The following SLC39A14 variants were observed in gnomAD, a reference collection of about 807,000 sequenced individuals.
The protein encoded by SLC39A14 is metal cation symporter ZIP14.
In SLC39A14, 19 loss-of-function variants were observed where a neutral mutation model predicts 45.5. The ratio of observed to expected loss-of-function variants is 0.42; its 90% CI spans 0.29 to 0.61. SLC39A14 has a LOEUF of 0.61. SLC39A14 is among the 20% of genes least tolerant of loss of function. The pLI is 0.22. For missense variants in SLC39A14, 447 were observed against 616.5 expected, an observed-to-expected ratio of 0.73 and a Z score of 2.91; for synonymous variants, 264 against 251.3, an observed-to-expected ratio of 1.05 and a Z score of -0.48.
In SLC39A14 at chr8:22,404,927, G is replaced by A; in HGVS notation, c.217G>A (p.Val73Met). 1.9e-6 allele frequency: 3 copies of A among 1,614,186 alleles called. No homozygotes were observed. The highest frequency in any genetic ancestry group is 2.5e-6 in the Non-Finnish European group (3 of 1,180,036). The change falls in exon 2 of 9, where the codon GTG (valine) becomes ATG (methionine). Residue 73 changes from valine (V) to methionine (M), a missense_variant. Val to Met is a conservative substitution (Grantham distance 21, BLOSUM62 1). Transcript: ENST00000381237. Reference sequence around the variant, plus strand: ...CCTACTCAACCACCTGGATGTGGGAGTGGGCCGGGGTAATGTCACCCAGCA... The same window carrying A: ...CCTACTCAACCACCTGGATGTGGGAATGGGCCGGGGTAATGTCACCCAGCA... ...KALLNHLDVG[V>M]GRGNVTQHVQ...
rs34292650 is a variant in SLC39A14 at position 22,384,744 on chromosome 8, T to TAAA, written c.-16+17353_-16+17355dup. Among the ~76,000 whole-genome samples the TAAA allele has an allele frequency of 2.0e-4, 24 of 117,284 alleles. No homozygotes were observed. In the South Asian group the frequency reaches 5.5e-3, roughly 27 times the overall value. 76.9% of individuals were successfully genotyped at this position (117,284 alleles called of 152,430 possible). A position where few individuals can be genotyped will look rare whatever the true frequency, so the allele number is the denominator to read the frequency against. ...CCTGGGCAACAGAGTGAGACTGTCT[T>TAAA]AAAAAAAAAAAAAAAAAAATCTTGG... On this transcript the variant is annotated intron_variant, in intron 1 of 8. Coordinates refer to ENST00000381237, the MANE Select transcript of SLC39A14 (RefSeq NM_001128431.4).
chr8:22,400,402 CCTTTT>C (rs1379342048), intron 1 of SLC39A14, among the ~76,000 whole-genome samples: 5 of 152,168 alleles, frequency 3.3e-5, no homozygotes, highest in Non-Finnish European at 7.3e-5. Context: ...CATCTCTTTG[CCTTTT>C]CTTTTCTAAA....
chr8:22,375,094 T>C (rs2132167475), intron 1 of SLC39A14, among the ~76,000 whole-genome samples: 1 of 152,260 alleles, frequency 6.6e-6, no homozygotes, highest in African/African-American at 2.4e-5. Flanking sequence ...CCATGTCCTC[T>C]GTACCAGTCC....
chr8:22,419,875 G>A lies in SLC39A14; in HGVS notation c.*177G>A. 7.6e-7 allele frequency: 1 copy of A among 1,318,974 alleles called. No individual in the cohort carries two copies. Among genetic ancestry groups the A allele is most frequent in the Non-Finnish European group, 9.6e-7 (1 of 1,037,000 alleles). 81.7% of individuals were successfully genotyped at this position (1,318,974 alleles called of 1,614,324 possible). On this transcript the variant is annotated 3_prime_UTR_variant, in exon 9 of 9. Coordinates refer to ENST00000381237, the MANE Select transcript of SLC39A14 (RefSeq NM_001128431.4). ...GTAAAATGCTGTATCCTAGGAATAA[G>A]CTGCCCTGGTAACCAGTCTCTAGCT...
intron 1 of SLC39A14, among the ~76,000 whole-genome samples, chr8:22,383,545 G>A (rs1833626145): frequency 6.6e-6 from 1 of 152,180 alleles, no homozygotes; most frequent in Non-Finnish European, 1.5e-5. Context: ...TTTCCTGGAA[G>A]CAGAGGGCCC....
chr8:22,429,506 A>G (rs1027340332), intron 8 of SLC39A14, among the ~76,000 whole-genome samples: 2 of 152,244 alleles, frequency 1.3e-5, no homozygotes, highest in Non-Finnish European at 2.9e-5. Flanking sequence ...TACTAGTAGT[A>G]ATTAACATTT....
intron 1 of SLC39A14, among the ~76,000 whole-genome samples, chr8:22,388,369 G>A (rs1428397960): frequency 2.0e-5 from 3 of 152,236 alleles, no homozygotes; most frequent in African/African-American, 7.2e-5. Flanking sequence ...GGAGGAGTGT[G>A]GAGATAGAAA....
At chr8:22,424,848 G>A (rs1202321591), downstream of SLC39A14, among the ~76,000 whole-genome samples, 1 of 151,992 alleles carries the variant, frequency 6.6e-6, no homozygotes, top group African/African-American at 2.4e-5. Context: ...CCAACATGGT[G>A]TGAAACCCTA....
chr8:22,400,035 T>G (rs1327442634), intron 1 of SLC39A14, among the ~76,000 whole-genome samples: 6 of 152,212 alleles, frequency 3.9e-5, no homozygotes, highest in Non-Finnish European at 8.8e-5. Context: ...CAGAGCATTG[T>G]AAGCCAAGAT....
Position 22,417,642 on chromosome 8 carries a change from C to T in SLC39A14, c.1148-9C>T, listed in dbSNP as rs115890291. ...CTCGTCCCTCCCCTTTTCATTCTCG[C>T]TGCTGTAGGAGACTTTGTCATCCTG... is the stretch of plus-strand genomic sequence containing the variant. On this transcript the variant is annotated splice_polypyrimidine_tract_variant and intron_variant, in intron 7 of 8. Transcript: ENST00000381237. 3.0e-4 allele frequency: 481 copies of T among 1,609,972 alleles called. 4 individuals carry two copies. The African/African-American group carries it at 6.1e-3, about 20-fold the overall frequency.
chr8:22,369,073 A>G (rs1489035961), intron 1 of SLC39A14, among the ~76,000 whole-genome samples: 5 of 152,148 alleles, frequency 3.3e-5, no homozygotes, highest in Non-Finnish European at 1.5e-5. Context: ...AGGCTCAGAG[A>G]GGTGAGTTTT....
At chr8:22,409,263 C>G (rs894124573) in intron 3 of SLC39A14, among the ~76,000 whole-genome samples, 5 of 152,230 alleles carry the variant, frequency 3.3e-5, no homozygotes, top group African/African-American at 1.2e-4. Flanking sequence ...CCTGATAGCC[C>G]TAAGCCCCAT....
In SLC39A14 at chr8:22,420,943, A is replaced by G. The variant is rs1039687002; in HGVS notation, c.*1245A>G. On this transcript the variant is annotated 3_prime_UTR_variant, in exon 9 of 9. Transcript: ENST00000381237. The stretch of plus-strand genomic sequence containing the variant: ...CATTGAATTGAATATGAATTTCTCT[A>G]ACTCTCTCCAGAAAATGGATGGAGA... 1.0e-6 allele frequency: 1 copy of G among 985,740 alleles called. No individual in the cohort carries two copies. The highest frequency in any genetic ancestry group is 4.7e-5 in the South Asian group (1 of 21,290). 61.1% of individuals were successfully genotyped at this position (985,740 alleles called of 1,614,324 possible). A position where few individuals can be genotyped will look rare whatever the true frequency, so the allele number is the denominator to read the frequency against.
At chr8:22,373,446 G>T (rs1238540283) in intron 1 of SLC39A14, among the ~76,000 whole-genome samples, 1 of 152,050 alleles carries the variant, frequency 6.6e-6, no homozygotes, top group Non-Finnish European at 1.5e-5. Flanking sequence ...TCAGTTAAAA[G>T]TTCTGAGAAC....
In SLC39A14 at chr8:22,422,731, G is replaced by A. The variant is rs1176263882; in HGVS notation, c.*3033G>A. 2 of 985,010 alleles carry A rather than the reference G, an allele frequency of 2.0e-6. No homozygotes were observed. The highest frequency in any genetic ancestry group is 2.4e-6 in the Non-Finnish European group (2 of 829,526). The allele number at this position is 985,010 out of a possible 1,614,324, so 61.0% of individuals were successfully genotyped here. ...AATAAATGTGGATGTAATGAAGGCT[G>A]TTGAACACAAGGTGGCGATGGTGTC... On this transcript the variant is annotated 3_prime_UTR_variant, in exon 9 of 9. Coordinates refer to ENST00000381237, the MANE Select transcript of SLC39A14 (RefSeq NM_001128431.4).
Position 22,421,612 on chromosome 8 carries a change from T to G in SLC39A14, c.*1914T>G, listed in dbSNP as rs1430333955. ...GGTTCTTTGTCTTTTCTGTTTTATTTTTCTCAAGCTGCTTTCAGGAGCTAG... is the reference window on the plus strand; with the variant it reads ...GGTTCTTTGTCTTTTCTGTTTTATTGTTCTCAAGCTGCTTTCAGGAGCTAG... On this transcript the variant is annotated 3_prime_UTR_variant, in exon 9 of 9. Transcript: ENST00000381237. The G allele has an allele frequency of 2.0e-6, 2 of 985,748 alleles. No homozygotes were observed. Among genetic ancestry groups the G allele is most frequent in the Non-Finnish European group, 2.4e-6 (2 of 829,920 alleles). The allele number at this position is 985,748 out of a possible 1,614,324, so 61.1% of individuals were successfully genotyped here. A position where few individuals can be genotyped will look rare whatever the true frequency, so the allele number is the denominator to read the frequency against.
chr8:22,417,897 GTT>G, intron 8 of SLC39A14, 62 bp downstream of exon 8: 1 of 1,397,812 alleles, frequency 7.2e-7, no homozygotes, highest in Non-Finnish European at 9.7e-7. Flanking sequence ...TAGGTAGGTA[GTT>G]TTTTTTTATT....
intron 1 of SLC39A14, among the ~76,000 whole-genome samples, chr8:22,386,184 A>G (rs1833781908): frequency 6.6e-6 from 1 of 151,668 alleles, no homozygotes; most frequent in African/African-American, 2.4e-5. Context: ...ACCTCAGGTG[A>G]TCCGCTTGCC....
chr8:22,384,107 G>T (rs990427663), intron 1 of SLC39A14, among the ~76,000 whole-genome samples: 5 of 152,164 alleles, frequency 3.3e-5, no homozygotes, highest in African/African-American at 1.2e-4. Context: ...ACTGGTGTGT[G>T]CAGTGGCTCT....
Sources: gnomAD v4.1 joint callset for allele counts (sites outside exome capture counted in the v4.1 genomes callset) on GRCh38, gnomAD v4.1.1 for gene constraint, MANE v1.5 for transcripts, NCBI Gene and HGNC (gene_info 2026-07-23, HGNC 2026-07-21) for gene names.